BCL2: variants seen among roughly 807,000 people sequenced by gnomAD.
BCL2 encodes BCL2 apoptosis regulator.
In BCL2, 1 loss-of-function variant was observed where a neutral mutation model predicts 14.2. The observed-to-expected ratio is 0.07, with a 90% CI of 0.02 to 0.33. BCL2 has a LOEUF of 0.33. BCL2 is among the 10% of genes least tolerant of loss of function. The pLI, the probability that BCL2 is intolerant of heterozygous loss-of-function variation, is 0.99. For synonymous variants in BCL2, 151 were observed against 137.2 expected, an observed-to-expected ratio of 1.10 and a Z score of -0.70; for missense variants, 247 against 305.9, an observed-to-expected ratio of 0.81 and a Z score of 1.44.
chr18:63,255,228 C>T (rs953250289), intron 2 of BCL2, among the ~76,000 whole-genome samples: 4 of 152,208 alleles, frequency 2.6e-5, no homozygotes, highest in Admixed American at 1.3e-4. Context: ...TAATTCATAA[C>T]TTTTCTGTGG....
At chr18:63,157,602 C>T (rs531011072) in intron 2 of BCL2, among the ~76,000 whole-genome samples, 7 of 152,314 alleles carry the variant, frequency 4.6e-5, no homozygotes, top group Admixed American at 1.3e-4. Flanking sequence ...ATAATTGTAA[C>T]GCAGTGCACT....
intron 2 of BCL2, among the ~76,000 whole-genome samples, chr18:63,215,288 A>C (rs1411515855): frequency 6.6e-6 from 1 of 152,214 alleles, no homozygotes; most frequent in East Asian, 1.9e-4. Context: ...TCCAATCTAA[A>C]AATCTATTCT....
At position 63,213,836 on chromosome 18, in the gene BCL2, C is replaced by T. The variant is rs965826771; in HGVS notation, c.586-85077G>A. On this transcript the variant is annotated intron_variant, in intron 2 of 2. Coordinates refer to ENST00000333681, the MANE Select transcript of BCL2 (RefSeq NM_000633.3). ...AGCGGGCTGGTCAGAGTTCTCTCGA[C>T]GGCAGAATCTACAGGGCCCACCTCA... Among the ~76,000 whole-genome samples the T allele has an allele frequency of 8.5e-5, 13 of 152,162 alleles. No homozygotes were observed. The East Asian group carries it at 1.5e-3, about 18-fold the overall frequency.
chr18:63,260,139 A>C (rs576467806), intron 2 of BCL2, among the ~76,000 whole-genome samples: 2 of 152,086 alleles, frequency 1.3e-5, no homozygotes, highest in Non-Finnish European at 2.9e-5. Context: ...TGCTGTAAAC[A>C]AATTCTGTAG....
At chr18:63,195,596 C>T (rs1909425396) in intron 2 of BCL2, among the ~76,000 whole-genome samples, 3 of 152,184 alleles carry the variant, frequency 2.0e-5, no homozygotes, top group Admixed American at 2.0e-4. Context: ...CTTTTTATTA[C>T]ACCTAGATAA....
intron 2 of BCL2, among the ~76,000 whole-genome samples, chr18:63,153,419 C>T (rs1448409804): frequency 6.6e-6 from 1 of 152,140 alleles, no homozygotes; most frequent in Non-Finnish European, 1.5e-5. Flanking sequence ...TCCTAGGTAC[C>T]TTCTTTATTT....
chr18:63,256,043 A>G (rs1037103800), intron 2 of BCL2, among the ~76,000 whole-genome samples: 3 of 152,188 alleles, frequency 2.0e-5, no homozygotes, highest in Admixed American at 6.5e-5. Context: ...CTGATGGTTA[A>G]TTAATCAAAT....
At chr18:63,297,932 A>G (rs1912846719) in intron 2 of BCL2, among the ~76,000 whole-genome samples, 1 of 152,152 alleles carries the variant, frequency 6.6e-6, no homozygotes, top group Admixed American at 6.5e-5. Flanking sequence ...TGTCCCTGGG[A>G]TCCGTATTCC....
At chr18:63,194,983 A>G (rs1909405069) in intron 2 of BCL2, among the ~76,000 whole-genome samples, 1 of 152,232 alleles carries the variant, frequency 6.6e-6, no homozygotes, top group Admixed American at 6.5e-5. Context: ...CAGCTCTTCC[A>G]GCTTATTTTC....
intron 2 of BCL2, 115 bp from the exon 3 acceptor site, chr18:63,128,874 G>C (rs911225152): frequency 1.7e-6 from 1 of 602,982 alleles, no homozygotes; most frequent in African/African-American, 1.9e-5. Flanking sequence ...CCTTCAGAAG[G>C]GTGAGAGGGG....
chr18:63,151,898 G>A (rs1215407981), intron 2 of BCL2, among the ~76,000 whole-genome samples: 3 of 152,190 alleles, frequency 2.0e-5, no homozygotes, highest in Admixed American at 1.3e-4. Context: ...CTAGAAAACA[G>A]AGAGTTAAAT....
intron 2 of BCL2, among the ~76,000 whole-genome samples, chr18:63,246,942 G>T (rs1599267233): frequency 6.6e-6 from 1 of 152,236 alleles, no homozygotes; most frequent in African/African-American, 2.4e-5. Flanking sequence ...GATCATCTAG[G>T]TTAGTTTATG....
At chr18:63,155,392 G>A (rs552934510) in intron 2 of BCL2, among the ~76,000 whole-genome samples, 22 of 152,254 alleles carry the variant, frequency 1.4e-4, no homozygotes, top group Non-Finnish European at 2.8e-4. Flanking sequence ...TCACGAGACA[G>A]GACGTGATTG....
chr18:63,153,655 T>C (rs1914705473), intron 2 of BCL2, among the ~76,000 whole-genome samples: 1 of 152,218 alleles, frequency 6.6e-6, no homozygotes, highest in Admixed American at 6.5e-5. Flanking sequence ...AAGTGATTTC[T>C]TGAAATCGTC....
At chr18:63,297,065 T>A (rs1188401221) in intron 2 of BCL2, among the ~76,000 whole-genome samples, 1 of 152,040 alleles carries the variant, frequency 6.6e-6, no homozygotes, top group African/African-American at 2.4e-5. Context: ...ACAAAAAATT[T>A]AGCTGGGGAT....
chr18:63,298,877 C>T (rs907246788), intron 2 of BCL2, among the ~76,000 whole-genome samples: 2 of 152,194 alleles, frequency 1.3e-5, no homozygotes, highest in Non-Finnish European at 2.9e-5. Context: ...CGAGTCATCA[C>T]TTCTGGGGCC....
intron 2 of BCL2, among the ~76,000 whole-genome samples, chr18:63,153,568 A>T (rs1312617713): frequency 2.7e-5 from 4 of 149,058 alleles, no homozygotes; most frequent in Non-Finnish European, 5.9e-5. Context: ...TAAGTTCTTA[A>T]AGAAAAAATT....
At chr18:63,189,463 A>G (rs1915668121) in intron 2 of BCL2, among the ~76,000 whole-genome samples, 1 of 152,188 alleles carries the variant, frequency 6.6e-6, no homozygotes, top group African/African-American at 2.4e-5. Flanking sequence ...CTCTAGTTGA[A>G]GGTCCCTTAA....
chr18:63,206,539 C>T (rs1385800980), intron 2 of BCL2, among the ~76,000 whole-genome samples: 2 of 152,218 alleles, frequency 1.3e-5, no homozygotes, highest in Non-Finnish European at 2.9e-5. Flanking sequence ...GTGGGAGACG[C>T]TCCACATTTG....
Sources: allele counts gnomAD v4.1 joint callset (sites outside exome capture counted in the v4.1 genomes callset), GRCh38; gene constraint gnomAD v4.1.1; transcripts MANE v1.5; gene names NCBI Gene and HGNC (gene_info 2026-07-23, HGNC 2026-07-21).